Variants in C7orf57 observed in about 807,000 individuals in gnomAD.
C7orf57 encodes the protein uncharacterized protein C7orf57.
Under a neutral mutation model 39.0 loss-of-function variants are expected in C7orf57, and 33 were observed. The ratio of observed to expected loss-of-function variants is 0.85; its 90% CI spans 0.64 to 1.13. C7orf57 has a LOEUF of 1.13. Ranked by LOEUF, C7orf57 falls within the 50% of genes most tolerant of loss-of-function variation. The pLI, the probability that C7orf57 is intolerant of heterozygous loss-of-function variation, is 0.00. For synonymous variants in C7orf57, 124 were observed against 137.1 expected (o/e 0.90, Z 0.67); for missense variants, 346 against 362.3 (o/e 0.95, Z 0.37).
At position 48,052,691 on chromosome 7, in the gene C7orf57, C is replaced by T. The variant is rs1790991051; in HGVS notation, c.606-9C>T. On this transcript the variant is annotated splice_polypyrimidine_tract_variant and intron_variant, in intron 6 of 8. Transcript: ENST00000348904. ...ACTTAAGTTTCACATTACTTTTACT[C>T]TTTTTAAGGCCTGGTCAAAAAAACA... The T allele has an allele frequency of 6.8e-6, 11 of 1,611,598 alleles. No homozygotes were observed. Among genetic ancestry groups the T allele is most frequent in the Admixed American group, 1.7e-5 (1 of 59,950 alleles).
At chr7:48,042,242 A>C (rs1445347881) in intron 3 of C7orf57, among the ~76,000 whole-genome samples, 2 of 152,222 alleles carry the variant, frequency 1.3e-5, no homozygotes, top group East Asian at 3.8e-4. Flanking sequence ...GGACCAAACA[A>C]TTTGATGGAC....
At position 48,055,694 on chromosome 7, in the gene C7orf57, A is replaced by G. The variant is rs1791097209; in HGVS notation, c.841+1088A>G. On this transcript the variant is annotated intron_variant, in intron 8 of 8. Transcript: ENST00000348904. ...TATGAGTTCAATTTTTTTAGATTCC[A>G]TATATGGCTGCAATTATACAGTATC... 5.9e-5 allele frequency among the ~76,000 whole-genome samples: 9 copies of G among 152,248 alleles called. No individual in the cohort carries two copies. The South Asian group carries it at 1.9e-3, about 32-fold the overall frequency.
At chr7:48,043,933 G>A (rs908485709) in intron 4 of C7orf57, among the ~76,000 whole-genome samples, 2 of 152,088 alleles carry the variant, frequency 1.3e-5, no homozygotes, top group Non-Finnish European at 2.9e-5. Context: ...TCAAGATGGT[G>A]GCAAGCCTTT....
chr7:48,043,359 C>G (rs191606491), intron 3 of C7orf57, 122 bp from the exon 4 acceptor site: 482 of 704,814 alleles, frequency 6.8e-4, no homozygotes, highest in Admixed American at 1.5e-3. Flanking sequence ...GTCCCTGGAT[C>G]CCAGAGGCAA....
At position 48,049,499 on chromosome 7, in the gene C7orf57, G is replaced by A. The variant is rs111927074; in HGVS notation, c.508-381G>A. 6.1e-3 allele frequency among the ~76,000 whole-genome samples: 936 copies of A among 152,210 alleles called. 5 individuals carry two copies. The highest frequency in any genetic ancestry group is 0.02 in the African/African-American group (846 of 41,530). ...CATGATACAATTTGTTTATCCATTC[G>A]TTTGTTGGTGGACATCTGGGTTGTT... is the stretch of plus-strand genomic sequence containing the variant. On this transcript the variant is annotated intron_variant, in intron 5 of 8. Coordinates refer to ENST00000348904, the MANE Select transcript of C7orf57 (RefSeq NM_001100159.3).
chr7:48,051,833 T>TCTCTTC (rs769157346), intron 6 of C7orf57, among the ~76,000 whole-genome samples: 2 of 63,908 alleles, frequency 3.1e-5, no homozygotes, highest in African/African-American at 7.4e-5. Context: ...CTTTCTTTCT[T>TCTCTTC]TCTTTCTTTC....
chr7:48,039,643 T>G (rs1790486502), intron 2 of C7orf57, among the ~76,000 whole-genome samples: 1 of 152,202 alleles, frequency 6.6e-6, no homozygotes, highest in African/African-American at 2.4e-5. Flanking sequence ...TAGACACAGC[T>G]AAAATAATGC....
intron 8 of C7orf57, among the ~76,000 whole-genome samples, chr7:48,059,981 A>G (rs1791244772): frequency 6.6e-6 from 1 of 152,292 alleles, no homozygotes; most frequent in East Asian, 1.9e-4. Flanking sequence ...TACACAGGCA[A>G]AACTCATGAA....
chr7:48,051,347 A>ATTTTTT (rs71006546), intron 6 of C7orf57, among the ~76,000 whole-genome samples: 2,567 of 69,606 alleles, frequency 0.037, 102 homozygotes, highest in Non-Finnish European at 0.045. Flanking sequence ...CAGCTGGCTA[A>ATTTTTT]TTTTTTTTTT....
chr7:48,047,048 G>A (rs1309447815), intron 5 of C7orf57, among the ~76,000 whole-genome samples: 1 of 152,160 alleles, frequency 6.6e-6, no homozygotes, highest in East Asian at 1.9e-4. Flanking sequence ...TGAAGTCCTG[G>A]TGGTGTATTT....
rs1220968580 is a variant in C7orf57, at chr7:48,038,829, T to A, written c.55+2466T>A. Among the ~76,000 whole-genome samples the A allele has an allele frequency of 2.6e-5, 4 of 152,084 alleles. No homozygotes were observed. In the East Asian group the frequency reaches 7.7e-4, roughly 29 times the overall value. On this transcript the variant is annotated intron_variant, in intron 2 of 8. Transcript: ENST00000348904. Reference sequence around the variant, plus strand: ...CATGTAAGGTATACATTGATTCAGTTTGAAAAGGTGGGATAACTCCAAGTA... The same window carrying A: ...CATGTAAGGTATACATTGATTCAGTATGAAAAGGTGGGATAACTCCAAGTA...
rs1354338507 is a variant in C7orf57, at chr7:48,060,222, G to T, written c.842-4G>T. 1.3e-6 allele frequency: 2 copies of T among 1,523,454 alleles called. No homozygotes were observed. Among genetic ancestry groups the T allele is most frequent in the South Asian group, 1.3e-5 (1 of 78,802 alleles). The allele number at this position is 1,523,454 out of a possible 1,614,324, so 94.4% of individuals were successfully genotyped here. ...TCTACTCATTTATTTACTTTGTGTT[G>T]CAGGCCCAGAAGAATCTGTATCTGC... is the stretch of plus-strand genomic sequence containing the variant. On this transcript the variant is annotated splice_region_variant and splice_polypyrimidine_tract_variant and intron_variant, in intron 8 of 8. Transcript: ENST00000348904.
At chr7:48,050,963 G>A (rs558062413) in intron 6 of C7orf57, among the ~76,000 whole-genome samples, 1 of 152,216 alleles carries the variant, frequency 6.6e-6, no homozygotes, top group African/African-American at 2.4e-5. Flanking sequence ...GAGAACAGGT[G>A]GTGGGCTGCT....
chr7:48,035,946 G>A lies in C7orf57; in HGVS notation c.-101-262G>A, dbSNP rs1790342001. On this transcript the variant is annotated intron_variant, in intron 1 of 8. Coordinates refer to ENST00000348904, the MANE Select transcript of C7orf57 (RefSeq NM_001100159.3). This position sits in a 1 kb window ranked among gnomAD's most constrained non-coding sequence, Gnocchi z 4.0. ...TCTCTGCTGAATACCCCGCGTGAAT[G>A]TGCCCCTGCTGTGTACCCGGAGTGC... Among the ~76,000 whole-genome samples the A allele has an allele frequency of 6.6e-6, 1 of 151,742 alleles. No individual in the cohort carries two copies. Among genetic ancestry groups the A allele is most frequent in the Non-Finnish European group, 1.5e-5 (1 of 67,948 alleles).
chr7:48,048,696 T>G (rs1165298269), intron 5 of C7orf57, among the ~76,000 whole-genome samples: 1 of 152,124 alleles, frequency 6.6e-6, no homozygotes, highest in Admixed American at 6.5e-5. Flanking sequence ...AAGGAACATA[T>G]AGCAGTTCTG....
In C7orf57 at chr7:48,052,691, CTT is replaced by C; in HGVS notation, c.606-5_606-4del. ...ACTTAAGTTTCACATTACTTTTACT[CTT>C]TTTAAGGCCTGGTCAAAAAAACAGT... On this transcript the variant is annotated splice_region_variant and splice_polypyrimidine_tract_variant and intron_variant, in intron 6 of 8. Transcript: ENST00000348904. 1 of 1,611,598 alleles carries C rather than the reference CTT, an allele frequency of 6.2e-7. No homozygotes were observed. Among genetic ancestry groups the C allele is most frequent in the African/African-American group, 1.3e-5 (1 of 74,964 alleles).
At chr7:48,042,617 G>C (rs1420779557) in intron 3 of C7orf57, among the ~76,000 whole-genome samples, 2 of 151,706 alleles carry the variant, frequency 1.3e-5, no homozygotes, top group African/African-American at 4.8e-5. Context: ...GGGTATAGGG[G>C]AACTCATACT....
chr7:48,052,717 G>T lies in C7orf57; in HGVS notation c.623G>T (p.Ser208Ile). ...SFPPVPGQKN[S>I]SPTNFSKLIS... ...TTTTTAAGGCCTGGTCAAAAAAACA[G>T]TTCACCTACCAATTTTTCCAAACTC... Residue 208 changes from serine to isoleucine, a missense_variant, in exon 7 of 9, where the codon AGT becomes ATT. Coordinates refer to ENST00000348904, the MANE Select transcript of C7orf57 (RefSeq NM_001100159.3). 1 of 1,613,938 alleles carries T rather than the reference G, an allele frequency of 6.2e-7. No homozygotes were observed. The highest frequency in any genetic ancestry group is 8.5e-7 in the Non-Finnish European group (1 of 1,179,858).
intron 2 of C7orf57, among the ~76,000 whole-genome samples, chr7:48,038,697 GAC>G (rs1301205616): frequency 1.9e-4 from 29 of 152,324 alleles, no homozygotes; most frequent in Admixed American, 1.9e-3. Flanking sequence ...CAAGGCCTGT[GAC>G]ACAGCCCCAG....
Sources: allele counts gnomAD v4.1 joint callset (sites outside exome capture counted in the v4.1 genomes callset), GRCh38; gene constraint gnomAD v4.1.1; non-coding constraint Gnocchi (gnomAD v3.1); transcripts MANE v1.5; gene names NCBI Gene and HGNC (gene_info 2026-07-23, HGNC 2026-07-21).